The following GRM8 variants were observed in gnomAD, a reference collection of about 807,000 sequenced individuals.
GRM8 encodes metabotropic glutamate receptor 8.
GRM8 carries 47 observed loss-of-function variants against 87.2 expected under a neutral mutation model. That is an observed-to-expected ratio of 0.54 (90% CI 0.43 to 0.69). GRM8 has a LOEUF of 0.69. Among genes scored for constraint, GRM8 ranks in the 30% least tolerant of loss-of-function variants. The pLI, the probability that GRM8 is intolerant of heterozygous loss-of-function variation, is 0.00. For missense variants in GRM8, 1,019 were observed against 1,139.2 expected (o/e 0.89, Z 1.52); for synonymous variants, 396 against 404.5 (o/e 0.98, Z 0.25).
chr7:126,536,705 C>T (rs1239357811), intron 8 of GRM8, among the ~76,000 whole-genome samples: 2 of 151,786 alleles, frequency 1.3e-5, no homozygotes, highest in Non-Finnish European at 2.9e-5. Flanking sequence ...AACTTTACAA[C>T]CTAAGGGACT....
chr7:126,497,806 T>C (rs1427281190), intron 9 of GRM8, among the ~76,000 whole-genome samples: 1 of 151,948 alleles, frequency 6.6e-6, no homozygotes, highest in Non-Finnish European at 1.5e-5. Flanking sequence ...TAACCTATGA[T>C]GCTGAGAGTG....
intron 7 of GRM8, among the ~76,000 whole-genome samples, chr7:126,727,994 C>T (rs908531619): frequency 3.3e-5 from 5 of 152,052 alleles, no homozygotes; most frequent in East Asian, 3.9e-4. Context: ...CTGAAAGGGG[C>T]GGAGCTACTA....
intron 7 of GRM8, among the ~76,000 whole-genome samples, chr7:126,738,693 G>T (rs914993048): frequency 2.8e-5 from 4 of 145,314 alleles, no homozygotes; most frequent in Admixed American, 6.9e-5. Context: ...TTACCAGTGT[G>T]GGGGGTGAGT....
intron 8 of GRM8, among the ~76,000 whole-genome samples, chr7:126,536,547 T>C (rs1423231338): frequency 6.6e-6 from 1 of 152,174 alleles, no homozygotes; most frequent in Non-Finnish European, 1.5e-5. Flanking sequence ...TAGTTTCTTA[T>C]TGGGTTTTAA....
At chr7:126,629,481 T>C (rs1051527960) in intron 7 of GRM8, among the ~76,000 whole-genome samples, 3 of 152,192 alleles carry the variant, frequency 2.0e-5, no homozygotes, top group Non-Finnish European at 2.9e-5. Context: ...ATTTATTGTT[T>C]GAATAAGGTA....
chr7:126,920,280 T>G (rs1342393316), intron 3 of GRM8, among the ~76,000 whole-genome samples: 1 of 152,118 alleles, frequency 6.6e-6, no homozygotes, highest in African/African-American at 2.4e-5. Flanking sequence ...TAAATAAATG[T>G]CTCTTGTTTA....
At chr7:126,607,776 C>T (rs1470104178) in intron 8 of GRM8, among the ~76,000 whole-genome samples, 1 of 151,802 alleles carries the variant, frequency 6.6e-6, no homozygotes, top group Admixed American at 6.6e-5. Flanking sequence ...TATACACGTG[C>T]CATGCTAGTG....
chr7:126,467,613 A>T (rs968448477), intron 9 of GRM8, among the ~76,000 whole-genome samples: 3 of 152,000 alleles, frequency 2.0e-5, no homozygotes, highest in African/African-American at 7.2e-5. Context: ...TAGTTAGTCT[A>T]GTTCCTTTTA....
At chr7:127,045,825 T>G (rs980638436) in intron 3 of GRM8, among the ~76,000 whole-genome samples, 1 of 152,194 alleles carries the variant, frequency 6.6e-6, no homozygotes, top group African/African-American at 2.4e-5. Context: ...CAAGTCTTTG[T>G]TTTTTGCCTG....
chr7:126,803,023 C>A (rs1212343354), intron 6 of GRM8, among the ~76,000 whole-genome samples: 1 of 152,148 alleles, frequency 6.6e-6, no homozygotes, highest in Non-Finnish European at 1.5e-5. Flanking sequence ...GAGATGGAGG[C>A]TGATTTAACA....
intron 6 of GRM8, among the ~76,000 whole-genome samples, chr7:126,806,851 C>T (rs1450914766): frequency 2.0e-5 from 3 of 152,166 alleles, no homozygotes; most frequent in Non-Finnish European, 2.9e-5. Flanking sequence ...GGTGGCCACC[C>T]GTAAGCCCCA....
chr7:126,497,265 C>T (rs1808902426), intron 9 of GRM8, among the ~76,000 whole-genome samples: 1 of 151,890 alleles, frequency 6.6e-6, no homozygotes. Flanking sequence ...ATGCTTTCAA[C>T]TTTACATTTG....
At chr7:127,069,742 G>T (rs1821494205) in intron 3 of GRM8, among the ~76,000 whole-genome samples, 1 of 152,228 alleles carries the variant, frequency 6.6e-6, no homozygotes, top group South Asian at 2.1e-4. Flanking sequence ...AAATGAAGCA[G>T]AAATATGGTG....
chr7:127,108,206 C>T (rs1240421995), intron 2 of GRM8, among the ~76,000 whole-genome samples: 3 of 152,150 alleles, frequency 2.0e-5, no homozygotes, highest in African/African-American at 7.2e-5. Flanking sequence ...TACATGACTA[C>T]TCGCAAGGAC....
At chr7:126,678,064 A>G (rs892624119) in intron 7 of GRM8, among the ~76,000 whole-genome samples, 4 of 152,206 alleles carry the variant, frequency 2.6e-5, no homozygotes, top group South Asian at 2.1e-4. Flanking sequence ...GTGCAGATCA[A>G]TTAAGCTTTA....
At chr7:126,474,469 A>T (rs757290939) in intron 9 of GRM8, among the ~76,000 whole-genome samples, 8 of 152,096 alleles carry the variant, frequency 5.3e-5, no homozygotes, top group Non-Finnish European at 1.0e-4. Context: ...AGGTTTCACC[A>T]TGTTGCCCAG....
intron 8 of GRM8, among the ~76,000 whole-genome samples, chr7:126,608,249 T>C (rs1451274825): frequency 6.6e-6 from 1 of 151,756 alleles, no homozygotes; most frequent in African/African-American, 2.4e-5. Context: ...TGATGGTACC[T>C]AGCAGCTCTC....
In GRM8 at chr7:126,446,158, T is replaced by C; in HGVS notation, c.2645A>G (p.Lys882Arg). Reference sequence around the variant, plus strand: ...TTCAAGACTCTCACAGAGTTCACTTTTCACCTCGCCATTTGGTCTGTCATT... The same window carrying C: ...TTCAAGACTCTCACAGAGTTCACTTCTCACCTCGCCATTTGGTCTGTCATT... ...KGNDRPNGEV[K>R]SELCESLETN... is the part of the protein sequence containing the mutation. Residue 882 changes from lysine (K) to arginine (R), a missense_variant, in exon 10 of 11, where the codon AAA (lysine) becomes AGA (arginine). Coordinates refer to ENST00000339582, the MANE Select transcript of GRM8 (RefSeq NM_000845.3). 1 of 1,613,032 alleles carries C rather than the reference T, an allele frequency of 6.2e-7. No individual in the cohort carries two copies. The highest frequency in any genetic ancestry group is 8.5e-7 in the Non-Finnish European group (1 of 1,179,256).
intron 7 of GRM8, among the ~76,000 whole-genome samples, chr7:126,747,167 T>C (rs938787366): frequency 6.6e-6 from 1 of 152,008 alleles, no homozygotes; most frequent in Non-Finnish European, 1.5e-5. Flanking sequence ...TACCTTGGAA[T>C]GCCTGGTTAC....
Sources: allele counts gnomAD v4.1 joint callset (sites outside exome capture counted in the v4.1 genomes callset), GRCh38; gene constraint gnomAD v4.1.1; transcripts MANE v1.5; gene names NCBI Gene and HGNC (gene_info 2026-07-23, HGNC 2026-07-21).